MAN1A2: variants seen among roughly 807,000 people sequenced by gnomAD.
MAN1A2 encodes mannosidase alpha class 1A member 2.
In MAN1A2, 26 loss-of-function variants were observed where a neutral mutation model predicts 75.7. The ratio of observed to expected loss-of-function variants is 0.34; its 90% CI spans 0.25 to 0.48. The LOEUF (loss-of-function observed/expected upper bound fraction) is 0.48. MAN1A2 is among the 20% of genes least tolerant of loss of function. The pLI is 0.99. For synonymous variants in MAN1A2, 247 were observed against 264.6 expected, an observed-to-expected ratio of 0.93 and a Z score of 0.65; for missense variants, 562 against 775.5, an observed-to-expected ratio of 0.72 and a Z score of 3.27.
At chr1:117,470,079 G>A (rs1456162912) in intron 8 of MAN1A2, among the ~76,000 whole-genome samples, 1 of 152,062 alleles carries the variant, frequency 6.6e-6, no homozygotes, top group Non-Finnish European at 1.5e-5. Flanking sequence ...TCCAACAGAT[G>A]AATGGGTAAA....
At chr1:117,479,454 A>G (rs986154358) in intron 8 of MAN1A2, among the ~76,000 whole-genome samples, 1 of 151,878 alleles carries the variant, frequency 6.6e-6, no homozygotes, top group African/African-American at 2.4e-5. Context: ...TCCTTTGGGT[A>G]TATATCCAGT....
intron 1 of MAN1A2, among the ~76,000 whole-genome samples, chr1:117,399,235 C>T (rs986389524): frequency 2.6e-5 from 4 of 152,102 alleles, no homozygotes; most frequent in East Asian, 3.9e-4. Context: ...AATACCTGTT[C>T]GTGGAAGCTC....
chr1:117,410,731 G>A (rs1647784499), intron 3 of MAN1A2, among the ~76,000 whole-genome samples: 1 of 150,388 alleles, frequency 6.6e-6, no homozygotes, highest in African/African-American at 2.4e-5. Flanking sequence ...ACCCAAAAAA[G>A]GTGCTAGAAT....
At chr1:117,407,408 A>G (rs925328887) in intron 3 of MAN1A2, among the ~76,000 whole-genome samples, 1 of 152,102 alleles carries the variant, frequency 6.6e-6, no homozygotes, top group South Asian at 2.1e-4. Context: ...TTTTAAAAAA[A>G]CAGTAAAAGT....
At chr1:117,442,370 C>T (rs2101813463) in intron 6 of MAN1A2, 45 bp downstream of exon 6, 2 of 1,318,604 alleles carry the variant, frequency 1.5e-6, no homozygotes, top group South Asian at 2.4e-5. Context: ...TTATTTTGAC[C>T]TTTTTAGTCT....
chr1:117,521,533 G>A (rs983891019), intron 12 of MAN1A2, among the ~76,000 whole-genome samples: 1 of 151,874 alleles, frequency 6.6e-6, no homozygotes, highest in African/African-American at 2.4e-5. Flanking sequence ...CACTATATGT[G>A]GGCGTGGATG....
intron 12 of MAN1A2, among the ~76,000 whole-genome samples, chr1:117,509,818 A>C (rs1235628569): frequency 1.1e-4 from 1 of 9,346 alleles, no homozygotes; most frequent in Non-Finnish European, 2.8e-4. Flanking sequence ...AGAAATGACA[A>C]AAAAAAAAAA....
chr1:117,501,057 A>G (rs935880811), intron 11 of MAN1A2, among the ~76,000 whole-genome samples: 1 of 151,782 alleles, frequency 6.6e-6, no homozygotes, highest in Non-Finnish European at 1.5e-5. Flanking sequence ...ATTGAGGAAT[A>G]CTTTAGGATA....
intron 5 of MAN1A2, among the ~76,000 whole-genome samples, chr1:117,429,425 CA>C (rs1648500950): frequency 8.4e-6 from 1 of 118,530 alleles, no homozygotes; most frequent in Non-Finnish European, 1.8e-5. Context: ...GCTGGCCGGG[CA>C]GGGGGGCTGA....
chr1:117,417,557 A>ATATATGTG (rs1214425551), intron 4 of MAN1A2, among the ~76,000 whole-genome samples: 2 of 140,744 alleles, frequency 1.4e-5, no homozygotes, highest in African/African-American at 5.3e-5. Flanking sequence ...ATATATATAT[A>ATATATGTG]TGTGATATAT....
chr1:117,514,772 C>T (rs1392387724), intron 12 of MAN1A2: 8 of 520,656 alleles, frequency 1.5e-5, no homozygotes, highest in Non-Finnish European at 2.4e-5. Context: ...GGGGAAAAAA[C>T]GGTTAGAGAA....
intron 4 of MAN1A2, among the ~76,000 whole-genome samples, chr1:117,419,747 CAT>C (rs1222580898): frequency 2.6e-5 from 4 of 151,962 alleles, no homozygotes; most frequent in Admixed American, 6.6e-5. Flanking sequence ...TAAATACAAA[CAT>C]AGAGACTCTA....
At chr1:117,462,324 GA>G (rs1649848197) in intron 7 of MAN1A2, among the ~76,000 whole-genome samples, 1 of 151,978 alleles carries the variant, frequency 6.6e-6, no homozygotes. Flanking sequence ...AAATAGTAAT[GA>G]AAAATGAATT....
intron 11 of MAN1A2, among the ~76,000 whole-genome samples, chr1:117,501,714 G>T (rs1183208880): frequency 6.6e-6 from 1 of 151,694 alleles, no homozygotes; most frequent in Non-Finnish European, 1.5e-5. Context: ...TAATCAAAAT[G>T]GAGCTATAAA....
intron 8 of MAN1A2, among the ~76,000 whole-genome samples, chr1:117,480,470 AAAGTTTTTGGTT>A (rs1650460895): frequency 6.6e-6 from 1 of 151,684 alleles, no homozygotes; most frequent in Admixed American, 6.6e-5. Context: ...TATTTTGTCC[AAAGTTTTTGGTT>A]GTTTTAGGTT....
intron 6 of MAN1A2, among the ~76,000 whole-genome samples, chr1:117,451,059 C>T (rs181619573): frequency 1.1e-4 from 17 of 152,306 alleles, no homozygotes; most frequent in Admixed American, 2.6e-4. Context: ...CCTGGAAAAG[C>T]TGTACTCAAT....
intron 1 of MAN1A2, among the ~76,000 whole-genome samples, chr1:117,370,256 A>T (rs1221170165): frequency 2.0e-5 from 3 of 152,192 alleles, no homozygotes. Flanking sequence ...TTGTTCTGAT[A>T]GCAGGGGTGG....
At chr1:117,411,037 G>T (rs1028290690) in intron 3 of MAN1A2, among the ~76,000 whole-genome samples, 1 of 151,684 alleles carries the variant, frequency 6.6e-6, no homozygotes, top group Admixed American at 6.6e-5. Flanking sequence ...CTAAATTTAT[G>T]TTTAAATTTA....
chr1:117,393,854 G>A (rs1017531454), intron 1 of MAN1A2, among the ~76,000 whole-genome samples: 1 of 152,128 alleles, frequency 6.6e-6, no homozygotes, highest in Non-Finnish European at 1.5e-5. Context: ...GTGAATGAAA[G>A]CTGATATAAA....
Sources: allele counts gnomAD v4.1 joint callset (sites outside exome capture counted in the v4.1 genomes callset), GRCh38; gene constraint gnomAD v4.1.1; transcripts MANE v1.5; gene names NCBI Gene and HGNC (gene_info 2026-07-23, HGNC 2026-07-21).